PARD3B: variants seen among roughly 807,000 people sequenced by gnomAD.
The protein encoded by PARD3B is par-3 family cell polarity regulator beta, also known as partitioning defective 3 homolog B.
PARD3B carries 103 observed loss-of-function variants against 130.2 expected under a neutral mutation model. That is an observed-to-expected ratio of 0.79 (90% confidence interval 0.67 to 0.93). The LOEUF (loss-of-function observed/expected upper bound fraction) is 0.93. Ranked by LOEUF, PARD3B falls within the 40% of genes least tolerant of loss-of-function variation. PARD3B has a pLI of 0.00. For synonymous variants in PARD3B, 583 were observed against 553.2 expected, an observed-to-expected ratio of 1.05 and a Z score of -0.76; for missense variants, 1,609 against 1,499.2, an observed-to-expected ratio of 1.07 and a Z score of -1.21.
intron 18 of PARD3B, among the ~76,000 whole-genome samples, chr2:205,372,915 G>A (rs849199): frequency 6.6e-6 from 1 of 152,038 alleles, no homozygotes; most frequent in Admixed American, 6.5e-5. Context: ...GGAGGTCAAG[G>A]TTGCAGTGAG....
chr2:205,538,169 A>G (rs1456897257), intron 21 of PARD3B, among the ~76,000 whole-genome samples: 1 of 152,232 alleles, frequency 6.6e-6, no homozygotes, highest in Non-Finnish European at 1.5e-5. Flanking sequence ...AACACAAACC[A>G]TCTCCTTATA....
chr2:205,417,434 G>T (rs1182697546), intron 19 of PARD3B, among the ~76,000 whole-genome samples: 1 of 152,012 alleles, frequency 6.6e-6, no homozygotes, highest in Non-Finnish European at 1.5e-5. Flanking sequence ...TAATCCTTTG[G>T]GTATATGCCC....
chr2:205,045,786 CAT>C (rs1434301213), intron 3 of PARD3B, among the ~76,000 whole-genome samples: 165 of 151,786 alleles, frequency 1.1e-3, no homozygotes, highest in African/African-American at 3.7e-3. Context: ...CACACACACA[CAT>C]ACATATATAT....
intron 16 of PARD3B, among the ~76,000 whole-genome samples, chr2:205,266,963 T>C (rs1379096071): frequency 6.6e-6 from 1 of 152,078 alleles, no homozygotes; most frequent in African/African-American, 2.4e-5. Flanking sequence ...AACGATCTCA[T>C]CCTCAATCTT....
intron 15 of PARD3B, among the ~76,000 whole-genome samples, chr2:205,221,424 A>T (rs1262255157): frequency 6.6e-6 from 1 of 152,164 alleles, no homozygotes; most frequent in African/African-American, 2.4e-5. Context: ...GACTGCACAC[A>T]GTTGATGAGC....
chr2:204,652,735 T>G (rs2125170747), intron 1 of PARD3B, among the ~76,000 whole-genome samples: 1 of 151,826 alleles, frequency 6.6e-6, no homozygotes, highest in Middle Eastern at 3.4e-3. Flanking sequence ...GGGTAATTTA[T>G]GAGCAAAAGA....
chr2:205,399,472 A>G, intron 18 of PARD3B, among the ~76,000 whole-genome samples: 1 of 151,386 alleles, frequency 6.6e-6, no homozygotes, highest in East Asian at 2.0e-4. Context: ...CTCCTGCCTC[A>G]GCCTTCTGAG....
intron 2 of PARD3B, among the ~76,000 whole-genome samples, chr2:204,739,077 CT>C (rs1194468544): frequency 6.6e-6 from 1 of 152,126 alleles, no homozygotes; most frequent in Non-Finnish European, 1.5e-5. Context: ...TTTAAATCTA[CT>C]TTTTAATCTA....
rs80351345 is a variant in PARD3B, at chr2:204,819,745, G to A, written c.222+133463G>A. 7.4e-3 allele frequency among the ~76,000 whole-genome samples: 1,133 copies of A among 152,172 alleles called. 12 individuals carry two copies. The highest frequency in any genetic ancestry group is 0.025 in the African/African-American group (1,057 of 41,508). On this transcript the variant is annotated intron_variant, in intron 2 of 22. Transcript: ENST00000406610. ...TCTTACAGTAAACACATGAATGAAA[G>A]GCAAGCAAAACAGCCTCATTGGTGA... is the stretch of plus-strand genomic sequence containing the variant.
intron 22 of PARD3B, among the ~76,000 whole-genome samples, chr2:205,597,567 G>A (rs1188394610): frequency 6.6e-6 from 1 of 152,182 alleles, no homozygotes; most frequent in African/African-American, 2.4e-5. Flanking sequence ...TGGATTGAAT[G>A]GTAGTTCAGT....
At chr2:205,005,386 A>G (rs931492996) in intron 3 of PARD3B, among the ~76,000 whole-genome samples, 1 of 152,194 alleles carries the variant, frequency 6.6e-6, no homozygotes, top group Non-Finnish European at 1.5e-5. Flanking sequence ...ACAAAATATG[A>G]TGTCCCAAAT....
At chr2:204,550,412 C>CTGTGTA (rs1553540014) in intron 1 of PARD3B, among the ~76,000 whole-genome samples, 1 of 144,300 alleles carries the variant, frequency 6.9e-6, no homozygotes, top group Non-Finnish European at 1.5e-5. Context: ...GGAGGGCTGA[C>CTGTGTA]TGTGTGTGTG....
Position 205,544,746 on chromosome 2 carries a change from C to T in PARD3B, c.3181-8578C>T, listed in dbSNP as rs765019538. On this transcript the variant is annotated intron_variant, in intron 21 of 22. Coordinates refer to ENST00000406610, the MANE Select transcript of PARD3B (RefSeq NM_001302769.2). ...TTCATAATTTGCAGGTTGCTTTTCT[C>T]TGTCATTCTGCTATAAAATCATCAT... Among the ~76,000 whole-genome samples, 81 of 152,142 alleles carry T rather than the reference C, an allele frequency of 5.3e-4. 1 individual carries two copies. Among genetic ancestry groups the T allele is most frequent in the Non-Finnish European group, 7.3e-5 (5 of 68,034 alleles).
At chr2:205,184,993 T>C (rs536179548) in intron 13 of PARD3B, among the ~76,000 whole-genome samples, 1 of 152,124 alleles carries the variant, frequency 6.6e-6, no homozygotes, top group Non-Finnish European at 1.5e-5. Context: ...CTAGGGAATA[T>C]GGTTAGTAAT....
intron 2 of PARD3B, among the ~76,000 whole-genome samples, chr2:204,715,138 T>C (rs992693828): frequency 2.0e-4 from 31 of 152,318 alleles, no homozygotes; most frequent in Non-Finnish European, 1.5e-4. Context: ...GAGTGTTCTT[T>C]AGAAATCCTT....
At chr2:205,333,338 A>G (rs1319826854) in intron 18 of PARD3B, among the ~76,000 whole-genome samples, 1 of 152,160 alleles carries the variant, frequency 6.6e-6, no homozygotes, top group Admixed American at 6.5e-5. Context: ...AAAATATCTA[A>G]ACAAATTTTC....
intron 2 of PARD3B, among the ~76,000 whole-genome samples, chr2:204,784,065 G>A (rs989589584): frequency 2.6e-5 from 4 of 152,114 alleles, no homozygotes; most frequent in African/African-American, 7.2e-5. Context: ...TAGTTGGGAT[G>A]TTGTGATACT....
chr2:204,965,554 A>T (rs1390566756), intron 3 of PARD3B, among the ~76,000 whole-genome samples: 1 of 152,170 alleles, frequency 6.6e-6, no homozygotes, highest in Admixed American at 6.5e-5. Flanking sequence ...CCTCGAAGTA[A>T]CACGGGGGAG....
At chr2:205,354,287 T>C (rs1164606206) in intron 18 of PARD3B, among the ~76,000 whole-genome samples, 1 of 151,536 alleles carries the variant, frequency 6.6e-6, no homozygotes, top group Non-Finnish European at 1.5e-5. Context: ...CCCCGTTCAG[T>C]TACCGGTCAG....
Sources: gnomAD v4.1 joint callset for allele counts (sites outside exome capture counted in the v4.1 genomes callset) on GRCh38, gnomAD v4.1.1 for gene constraint, MANE v1.5 for transcripts, NCBI Gene and HGNC (gene_info 2026-07-23, HGNC 2026-07-21) for gene names.